Variants in MAF observed in about 807,000 individuals in gnomAD.
MAF encodes transcription factor Maf.
A neutral mutation model predicts 22.0 loss-of-function variants in MAF; 10 were observed. The ratio of observed to expected loss-of-function variants is 0.45; its 90% CI spans 0.28 to 0.77. The LOEUF (loss-of-function observed/expected upper bound fraction) is 0.77, where lower values mean the gene tolerates loss of function less well. MAF is among the 30% of genes least tolerant of loss of function. The probability of loss-of-function intolerance (pLI) is 0.12; values close to 1 mark genes in which losing one functional copy is unlikely to be tolerated. For synonymous variants in MAF, 337 were observed against 255.8 expected, an observed-to-expected ratio of 1.32 and a Z score of -3.03; for missense variants, 544 against 548.4, an observed-to-expected ratio of 0.99 and a Z score of 0.08.
the MAF span, among the ~76,000 whole-genome samples, chr16:79,472,520 A>G: frequency 2.0e-5 from 3 of 152,146 alleles, no homozygotes; most frequent in Non-Finnish European, 4.4e-5. Flanking sequence ...GCCAGGTACA[A>G]AGAGCAATGT....
At chr16:79,214,488 C>G in the MAF span, among the ~76,000 whole-genome samples, 1 of 152,176 alleles carries the variant, frequency 6.6e-6, no homozygotes, top group Non-Finnish European at 1.5e-5. Context: ...TCACTGCAAC[C>G]TCCACCTCCC....
At chr16:79,388,554 TG>T in the MAF span, among the ~76,000 whole-genome samples, 1 of 152,252 alleles carries the variant, frequency 6.6e-6, no homozygotes, top group East Asian at 1.9e-4. Context: ...CTATGGGCCA[TG>T]TGCTTATCAA....
the MAF span, among the ~76,000 whole-genome samples, chr16:79,253,573 G>A: frequency 6.6e-6 from 1 of 152,138 alleles, no homozygotes; most frequent in African/African-American, 2.4e-5. Context: ...GGGCAGGTGT[G>A]TGTATGTGCA....
At chr16:79,387,602 T>G in the MAF span, among the ~76,000 whole-genome samples, 1 of 152,218 alleles carries the variant, frequency 6.6e-6, no homozygotes. Context: ...TGCACAATCT[T>G]TATTACAAGG....
the MAF span, among the ~76,000 whole-genome samples, chr16:79,277,097 G>T: frequency 6.6e-6 from 1 of 152,076 alleles, no homozygotes; most frequent in Admixed American, 6.6e-5. Flanking sequence ...GAGAGCAGTG[G>T]TGCAATCATG....
the MAF span, among the ~76,000 whole-genome samples, chr16:79,552,496 A>C: frequency 1.4e-4 from 21 of 152,156 alleles, no homozygotes; most frequent in Non-Finnish European, 2.9e-4. Context: ...GGTATAAGCC[A>C]CCTGTTCTCC....
the MAF span, among the ~76,000 whole-genome samples, chr16:79,569,946 G>C: frequency 6.6e-6 from 1 of 151,742 alleles, no homozygotes; most frequent in African/African-American, 2.4e-5. Flanking sequence ...GCAAAGACCA[G>C]GTGGTGGGAT....
At chr16:79,303,945 C>A in the MAF span, among the ~76,000 whole-genome samples, 1 of 152,164 alleles carries the variant, frequency 6.6e-6, no homozygotes. Context: ...TGATGCACTT[C>A]GCTCAAAAGA....
the MAF span, among the ~76,000 whole-genome samples, chr16:79,256,792 C>A: frequency 1.4e-3 from 206 of 152,252 alleles, 1 homozygote; most frequent in African/African-American, 4.9e-3. Flanking sequence ...CATTTTAAGC[C>A]TTAAAAATCT....
At chr16:79,246,934 T>G in the MAF span, among the ~76,000 whole-genome samples, 1 of 152,220 alleles carries the variant, frequency 6.6e-6, no homozygotes, top group Non-Finnish European at 1.5e-5. Context: ...CCTGTTCTAA[T>G]GGAACTCCCA....
At chr16:79,383,112 A>G in the MAF span, among the ~76,000 whole-genome samples, 1 of 152,306 alleles carries the variant, frequency 6.6e-6, no homozygotes, top group African/African-American at 2.4e-5. Context: ...AATGTAAACC[A>G]CTGGAGAAAT....
At chr16:79,520,524 C>A in the MAF span, among the ~76,000 whole-genome samples, 4 of 152,066 alleles carry the variant, frequency 2.6e-5, no homozygotes, top group East Asian at 7.7e-4. Context: ...CCCCAGGGTT[C>A]TGAAATCTGG....
At chr16:79,485,229 T>C in the MAF span, among the ~76,000 whole-genome samples, 5 of 152,300 alleles carry the variant, frequency 3.3e-5, no homozygotes, top group East Asian at 3.9e-4. Flanking sequence ...TTTTGACCTC[T>C]CTGTGCCTCA....
the MAF span, among the ~76,000 whole-genome samples, chr16:79,467,718 C>T: frequency 6.6e-6 from 1 of 152,094 alleles, no homozygotes; most frequent in South Asian, 2.1e-4. Context: ...CTGCAGTCTG[C>T]GTCCTAACAA....
At chr16:79,527,914 G>C in the MAF span, among the ~76,000 whole-genome samples, 1 of 152,122 alleles carries the variant, frequency 6.6e-6, no homozygotes, top group African/African-American at 2.4e-5. Flanking sequence ...GGCCGGGGTG[G>C]GTGGATCACT....
the MAF span, among the ~76,000 whole-genome samples, chr16:79,366,731 C>G: frequency 6.6e-6 from 1 of 152,176 alleles, no homozygotes; most frequent in Non-Finnish European, 1.5e-5. Flanking sequence ...AGTCTGGGTT[C>G]TGAAGTGAGA....
At chr16:79,323,803 T>C in the MAF span, among the ~76,000 whole-genome samples, 1 of 152,146 alleles carries the variant, frequency 6.6e-6, no homozygotes, top group East Asian at 1.9e-4. Context: ...GGACCTGCAA[T>C]CCCAGGGGAA....
chr16:79,479,750 G>A, the MAF span, among the ~76,000 whole-genome samples: 6 of 152,194 alleles, frequency 3.9e-5, no homozygotes, highest in Admixed American at 3.3e-4. Flanking sequence ...TACGTGCTAA[G>A]GTCTGTGCTG....
the MAF span, among the ~76,000 whole-genome samples, chr16:79,539,944 G>A: frequency 0.018 from 2,806 of 152,156 alleles, 82 homozygotes; most frequent in South Asian, 0.068. Context: ...ATCCTTTACT[G>A]TAAGTATGAG....
Sources: allele counts gnomAD v4.1 joint callset (sites outside exome capture counted in the v4.1 genomes callset), GRCh38; gene constraint gnomAD v4.1.1; transcripts MANE v1.5; gene names NCBI Gene and HGNC (gene_info 2026-07-23, HGNC 2026-07-21).